GALNT18: variants seen among roughly 807,000 people sequenced by gnomAD.
GALNT18 encodes the protein polypeptide N-acetylgalactosaminyltransferase 18.
GALNT18 carries 44 observed loss-of-function variants against 69.5 expected under a neutral mutation model. That is an observed-to-expected ratio of 0.63 (90% CI 0.50 to 0.81). The LOEUF (loss-of-function observed/expected upper bound fraction) is 0.81, where lower values mean the gene tolerates loss of function less well. Ranked by LOEUF, GALNT18 falls within the 40% of genes least tolerant of loss-of-function variation. The pLI is 0.00. For synonymous variants in GALNT18, 364 were observed against 318.2 expected (o/e 1.14, Z -1.53); for missense variants, 715 against 810.0 (o/e 0.88, Z 1.42).
intron 10 of GALNT18, among the ~76,000 whole-genome samples, chr11:11,272,828 T>C (rs1344060810): frequency 6.6e-6 from 1 of 152,104 alleles, no homozygotes; most frequent in East Asian, 1.9e-4. Flanking sequence ...GGAAGTGCAC[T>C]GAGAGAGGGA....
At chr11:11,594,834 T>TAC (rs1859448744) in intron 1 of GALNT18, among the ~76,000 whole-genome samples, 1 of 34,686 alleles carries the variant, frequency 2.9e-5, no homozygotes, top group Non-Finnish European at 8.0e-5. Flanking sequence ...TATATATATA[T>TAC]ATATATACAC....
intron 10 of GALNT18, among the ~76,000 whole-genome samples, chr11:11,292,823 C>A (rs1277454106): frequency 6.6e-6 from 1 of 152,168 alleles, no homozygotes; most frequent in Non-Finnish European, 1.5e-5. Flanking sequence ...TCACAGGGGT[C>A]AATAGTCAAC....
rs1857435409 is a variant in GALNT18, at chr11:11,523,068, A to G, written c.236-74132T>C. On this transcript the variant is annotated intron_variant, in intron 1 of 10. Coordinates refer to ENST00000227756, the MANE Select transcript of GALNT18 (RefSeq NM_198516.3). This position sits in a 1 kb window ranked among gnomAD's most constrained non-coding sequence, Gnocchi z 4.3. ...GCTTGCCAAGAAAGTAGCAATTTAC[A>G]TGCTTTTTCTTATTACAAGCCCTTT... 6.6e-6 allele frequency among the ~76,000 whole-genome samples: 1 copy of G among 152,208 alleles called. No individual in the cohort carries two copies. Among genetic ancestry groups the G allele is most frequent in the South Asian group, 2.1e-4 (1 of 4,828 alleles).
intron 1 of GALNT18, among the ~76,000 whole-genome samples, chr11:11,526,151 G>A (rs1449181816): frequency 1.3e-5 from 2 of 152,190 alleles, no homozygotes; most frequent in Non-Finnish European, 2.9e-5. Context: ...AGGCAGTCAG[G>A]GATGTATAAA....
At chr11:11,453,102 G>A (rs987922686) in intron 1 of GALNT18, among the ~76,000 whole-genome samples, 2 of 152,152 alleles carry the variant, frequency 1.3e-5, no homozygotes, top group African/African-American at 2.4e-5. Context: ...AAGTGAAGGG[G>A]CTGCTTCACC....
Position 11,614,105 on chromosome 11 carries a change from C to T in GALNT18, c.235+7254G>A, listed in dbSNP as rs1379249377. ...CAAACCAAAGGAGACCCTCAAGACC[C>T]AAATCAAGACAATAGCTTTGTATTA... is the stretch of plus-strand genomic sequence containing the variant. On this transcript the variant is annotated intron_variant, in intron 1 of 10. Coordinates refer to ENST00000227756, the MANE Select transcript of GALNT18 (RefSeq NM_198516.3). The surrounding 1 kb of genome is among the most constrained non-coding windows in gnomAD (Gnocchi z 5.6). Among the ~76,000 whole-genome samples the T allele has an allele frequency of 6.6e-6, 1 of 152,132 alleles. No homozygotes were observed. The highest frequency in any genetic ancestry group is 2.4e-5 in the African/African-American group (1 of 41,420).
intron 6 of GALNT18, among the ~76,000 whole-genome samples, chr11:11,351,491 T>G (rs723448): frequency 0.49 from 74,442 of 152,030 alleles, 19,963 homozygotes; most frequent in Non-Finnish European, 0.62. Flanking sequence ...TCTAGAAGGA[T>G]CTGACCCTCA....
At chr11:11,458,620 A>G (rs1180710705) in intron 1 of GALNT18, among the ~76,000 whole-genome samples, 1 of 152,216 alleles carries the variant, frequency 6.6e-6, no homozygotes, top group Non-Finnish European at 1.5e-5. Flanking sequence ...ATGTTTGCAG[A>G]GCATCAAAGC....
intron 1 of GALNT18, among the ~76,000 whole-genome samples, chr11:11,531,773 T>C (rs1008049073): frequency 6.6e-6 from 1 of 152,214 alleles, no homozygotes; most frequent in Admixed American, 6.5e-5. Context: ...TGTGAGTCTC[T>C]GGGTCTCTCA....
chr11:11,390,932 A>G (rs765634373), intron 3 of GALNT18, among the ~76,000 whole-genome samples: 5 of 152,146 alleles, frequency 3.3e-5, no homozygotes, highest in Non-Finnish European at 7.4e-5. Flanking sequence ...TCTTCTACCT[A>G]TTTGGGTCGC....
intron 10 of GALNT18, among the ~76,000 whole-genome samples, chr11:11,283,359 C>T (rs1409407746): frequency 6.6e-6 from 1 of 152,136 alleles, no homozygotes; most frequent in Non-Finnish European, 1.5e-5. Context: ...GTTGGCCAGG[C>T]TGGTCTCGAA....
At chr11:11,537,001 T>G (rs764900031) in intron 1 of GALNT18, among the ~76,000 whole-genome samples, 18 of 152,246 alleles carry the variant, frequency 1.2e-4, no homozygotes, top group Non-Finnish European at 2.4e-4. Context: ...CGCAGTTACA[T>G]TTTTACTCTG....
At chr11:11,575,171 G>A (rs531843922) in intron 1 of GALNT18, among the ~76,000 whole-genome samples, 20 of 152,282 alleles carry the variant, frequency 1.3e-4, no homozygotes, top group Admixed American at 1.2e-3. Context: ...CCAGTCCATT[G>A]CATCTGTAAG....
In GALNT18 at chr11:11,563,207, CATA is replaced by C. The variant is rs1565014818; in HGVS notation, c.235+58149_235+58151del. Among the ~76,000 whole-genome samples the C allele has an allele frequency of 2.0e-5, 3 of 152,174 alleles. No individual in the cohort carries two copies. The highest frequency in any genetic ancestry group is 4.4e-5 in the Non-Finnish European group (3 of 68,040). Reference sequence around the variant, plus strand: ...CAGTCCAAATGTGTCCTCCCCAAGCCATAATGTGGCTGTTCACCTTGCACCTCC... The same window carrying C: ...CAGTCCAAATGTGTCCTCCCCAAGCCATGTGGCTGTTCACCTTGCACCTCC... On this transcript the variant is annotated intron_variant, in intron 1 of 10. Coordinates refer to ENST00000227756, the MANE Select transcript of GALNT18 (RefSeq NM_198516.3). This position sits in a 1 kb window ranked among gnomAD's most constrained non-coding sequence, Gnocchi z 4.6.
rs1230326841 is a variant in GALNT18, at chr11:11,542,936, A to G, written c.235+78423T>C. Among the ~76,000 whole-genome samples the G allele has an allele frequency of 6.6e-6, 1 of 152,222 alleles. No individual in the cohort carries two copies. The highest frequency in any genetic ancestry group is 1.5e-5 in the Non-Finnish European group (1 of 68,040). ...AAGTTTCAGTGGTTGAGAAGGATCCATTAGTTCGTGGGTGAGGAGCAGGGT... is the reference window on the plus strand; with the variant it reads ...AAGTTTCAGTGGTTGAGAAGGATCCGTTAGTTCGTGGGTGAGGAGCAGGGT... On this transcript the variant is annotated intron_variant, in intron 1 of 10. Transcript: ENST00000227756. This position sits in a 1 kb window ranked among gnomAD's most constrained non-coding sequence, Gnocchi z 4.3.
chr11:11,290,208 A>G (rs1849272643), intron 10 of GALNT18, among the ~76,000 whole-genome samples: 1 of 152,190 alleles, frequency 6.6e-6, no homozygotes, highest in South Asian at 2.1e-4. Context: ...CTGTGCTAAG[A>G]GGAGACTTTG....
rs184863488 is a variant in GALNT18 at position 11,600,777 on chromosome 11, C to A, written c.235+20582G>T. ...AGTATTCCCATTAAACTTAACATTG[C>A]TGTATTTAATGGTGTTCCATGTTTT... On this transcript the variant is annotated intron_variant, in intron 1 of 10. Transcript: ENST00000227756. The surrounding 1 kb of genome is among the most constrained non-coding windows in gnomAD (Gnocchi z 4.8). Among the ~76,000 whole-genome samples, 25 of 152,144 alleles carry A rather than the reference C, an allele frequency of 1.6e-4. No homozygotes were observed. Among genetic ancestry groups the A allele is most frequent in the Non-Finnish European group, 7.4e-5 (5 of 67,976 alleles).
chr11:11,474,344 C>T (rs557875769), intron 1 of GALNT18, among the ~76,000 whole-genome samples: 12 of 152,150 alleles, frequency 7.9e-5, no homozygotes, highest in East Asian at 5.8e-4. Flanking sequence ...CAAAATGGCA[C>T]GAGTGTGATT....
chr11:11,468,620 G>A (rs1246605521), intron 1 of GALNT18, among the ~76,000 whole-genome samples: 1 of 152,108 alleles, frequency 6.6e-6, no homozygotes, highest in Non-Finnish European at 1.5e-5. Context: ...GGGAGTCAAA[G>A]CCAGGCCAGG....
Sources: gnomAD v4.1 joint callset for allele counts (sites outside exome capture counted in the v4.1 genomes callset) on GRCh38, gnomAD v4.1.1 for gene constraint, Gnocchi (gnomAD v3.1) non-coding constraint, MANE v1.5 for transcripts, NCBI Gene and HGNC (gene_info 2026-07-23, HGNC 2026-07-21) for gene names.